ABTB3: variants seen among roughly 807,000 people sequenced by gnomAD.
ABTB3 encodes the protein ankyrin repeat- and BTB/POZ domain-containing protein 3.
At chr12:107,445,408 C>T in the ABTB3 span, among the ~76,000 whole-genome samples, 3 of 152,262 alleles carry the variant, frequency 2.0e-5, no homozygotes, top group South Asian at 2.1e-4. Context: ...GCGGAAATAG[C>T]GCCCACAAGA....
At chr12:107,635,094 G>A in the ABTB3 span, 2 of 478,092 alleles carry the variant, frequency 4.2e-6, no homozygotes, top group Non-Finnish European at 7.3e-6. Context: ...AATAGACAGT[G>A]GACAAAACAG....
chr12:107,413,773 T>C, the ABTB3 span, among the ~76,000 whole-genome samples: 1 of 152,200 alleles, frequency 6.6e-6, no homozygotes, highest in Admixed American at 6.5e-5. Flanking sequence ...GCCCAGGCAA[T>C]GCTGAGTCCC....
the ABTB3 span, among the ~76,000 whole-genome samples, chr12:107,571,930 G>A: frequency 3.3e-5 from 5 of 152,256 alleles, no homozygotes; most frequent in South Asian, 2.1e-4. Context: ...GCCTTTGGTC[G>A]GCATCAGAAA....
the ABTB3 span, among the ~76,000 whole-genome samples, chr12:107,340,146 C>T: frequency 2.7e-4 from 41 of 152,060 alleles, no homozygotes; most frequent in Non-Finnish European, 4.4e-4. Flanking sequence ...GCATGTTAGC[C>T]ATTTACATAG....
the ABTB3 span, among the ~76,000 whole-genome samples, chr12:107,555,260 C>T: frequency 6.6e-6 from 1 of 152,202 alleles, no homozygotes; most frequent in Non-Finnish European, 1.5e-5. Flanking sequence ...AGCATCAGGG[C>T]AAATCCCAAA....
At chr12:107,405,769 T>C in the ABTB3 span, among the ~76,000 whole-genome samples, 1 of 152,342 alleles carries the variant, frequency 6.6e-6, no homozygotes, top group African/African-American at 2.4e-5. Flanking sequence ...ATTGGTGCAA[T>C]TGGCCTCTTC....
chr12:107,576,921 G>A, the ABTB3 span, among the ~76,000 whole-genome samples: 1 of 152,094 alleles, frequency 6.6e-6, no homozygotes, highest in Non-Finnish European at 1.5e-5. Flanking sequence ...CTATCACTAG[G>A]ACCTTCATGG....
the ABTB3 span, among the ~76,000 whole-genome samples, chr12:107,469,053 T>C: frequency 6.6e-6 from 1 of 152,192 alleles, no homozygotes; most frequent in South Asian, 2.1e-4. Context: ...CCCTTGTTGA[T>C]GGGTGAGGGC....
At chr12:107,377,020 A>T in the ABTB3 span, among the ~76,000 whole-genome samples, 1 of 152,056 alleles carries the variant, frequency 6.6e-6, no homozygotes, top group East Asian at 1.9e-4. Context: ...TTGGACATGG[A>T]GATGCACTGC....
chr12:107,441,795 C>T, the ABTB3 span, among the ~76,000 whole-genome samples: 4 of 104,566 alleles, frequency 3.8e-5, no homozygotes, highest in Non-Finnish European at 7.4e-5. Context: ...AAAAAAATAG[C>T]AGGGTGTGGT....
the ABTB3 span, among the ~76,000 whole-genome samples, chr12:107,516,035 A>ATG: frequency 0.011 from 1,409 of 125,016 alleles, 19 homozygotes; most frequent in African/African-American, 0.037. Flanking sequence ...GTGTGTGTGC[A>ATG]TGTGTGTGTG....
the ABTB3 span, among the ~76,000 whole-genome samples, chr12:107,435,048 T>C: frequency 6.6e-6 from 1 of 152,202 alleles, no homozygotes; most frequent in Non-Finnish European, 1.5e-5. Context: ...CTGGCTTTAA[T>C]TTTGGAGCAG....
the ABTB3 span, among the ~76,000 whole-genome samples, chr12:107,392,367 C>A: frequency 6.6e-6 from 1 of 152,126 alleles, no homozygotes; most frequent in Non-Finnish European, 1.5e-5. Context: ...GACCCAGGCC[C>A]CTTAGAAGGA....
chr12:107,547,316 C>T, the ABTB3 span, among the ~76,000 whole-genome samples: 41 of 152,292 alleles, frequency 2.7e-4, no homozygotes, highest in Admixed American at 2.4e-3. Context: ...AGCTACCAGG[C>T]TGAAACTTCT....
the ABTB3 span, among the ~76,000 whole-genome samples, chr12:107,637,993 G>A: frequency 1.3e-5 from 2 of 152,062 alleles, no homozygotes; most frequent in Non-Finnish European, 2.9e-5. Flanking sequence ...CGAGCAGAGA[G>A]AAAGTCAAGT....
chr12:107,497,336 C>A, the ABTB3 span, among the ~76,000 whole-genome samples: 1 of 151,710 alleles, frequency 6.6e-6, no homozygotes, highest in African/African-American at 2.4e-5. Context: ...ATCACCATCC[C>A]CACCTCTATC....
the ABTB3 span, among the ~76,000 whole-genome samples, chr12:107,366,315 C>T: frequency 6.6e-6 from 1 of 152,146 alleles, no homozygotes; most frequent in Middle Eastern, 3.2e-3. Flanking sequence ...AAGCATCGTA[C>T]ATAAGGTCTC....
the ABTB3 span, among the ~76,000 whole-genome samples, chr12:107,463,741 C>G: frequency 1.0e-3 from 157 of 152,326 alleles, 1 homozygote; most frequent in Non-Finnish European, 7.3e-5. Flanking sequence ...TAAACATTCT[C>G]ATTTAATCTC....
chr12:107,608,944 A>AATAAAAT, the ABTB3 span, among the ~76,000 whole-genome samples: 2 of 80,308 alleles, frequency 2.5e-5, no homozygotes, highest in African/African-American at 5.6e-5. Flanking sequence ...AAATAAAATA[A>AATAAAAT]ATAAAATAAA....
Sources: gnomAD v4.1 joint callset for allele counts (sites outside exome capture counted in the v4.1 genomes callset) on GRCh38, gnomAD v4.1.1 for gene constraint, MANE v1.5 for transcripts, NCBI Gene and HGNC (gene_info 2026-07-23, HGNC 2026-07-21) for gene names.